PTPRN2: variants seen among roughly 807,000 people sequenced by gnomAD.
PTPRN2 encodes receptor-type tyrosine-protein phosphatase N2.
PTPRN2 carries 74 observed loss-of-function variants against 118.8 expected under a neutral mutation model. The observed-to-expected ratio is 0.62, with a 90% confidence interval of 0.52 to 0.76. The LOEUF is 0.76. Ranked by LOEUF, PTPRN2 falls within the 30% of genes least tolerant of loss-of-function variation. The pLI is 0.00. For missense variants in PTPRN2, 1,481 were observed against 1,394.4 expected (o/e 1.06, Z -0.99); for synonymous variants, 641 against 608.0 (o/e 1.05, Z -0.80).
chr7:158,316,656 T>C (rs938326034), intron 3 of PTPRN2, among the ~76,000 whole-genome samples, 163 bp downstream of exon 3: 7 of 152,114 alleles, frequency 4.6e-5, no homozygotes, highest in Non-Finnish European at 8.8e-5. Context: ...ACGATCCCAG[T>C]AGGAAGCACC....
At chr7:157,576,247 C>A (rs1800033025) in intron 19 of PTPRN2, among the ~76,000 whole-genome samples, 1 of 152,228 alleles carries the variant, frequency 6.6e-6, no homozygotes, top group Non-Finnish European at 1.5e-5. Context: ...CTACCTCTTT[C>A]ATCCCATGCA....
At chr7:158,359,413 G>A (rs1586447706) in intron 2 of PTPRN2, among the ~76,000 whole-genome samples, 2 of 152,226 alleles carry the variant, frequency 1.3e-5, no homozygotes, top group African/African-American at 4.8e-5. Flanking sequence ...AGGAAAGGTG[G>A]TCCTCAGTGC....
At chr7:158,001,587 CG>C (rs796858410) in intron 11 of PTPRN2, among the ~76,000 whole-genome samples, 59 of 152,154 alleles carry the variant, frequency 3.9e-4, no homozygotes, top group African/African-American at 1.4e-3. Context: ...TTCAGCCTCA[CG>C]GGCGCTCCCA....
At chr7:158,389,044 C>T (rs1364459691) in intron 2 of PTPRN2, among the ~76,000 whole-genome samples, 6 of 152,218 alleles carry the variant, frequency 3.9e-5, no homozygotes, top group South Asian at 2.1e-4. Context: ...CAACGTGAGG[C>T]GGGCCCCTGG....
intron 11 of PTPRN2, among the ~76,000 whole-genome samples, chr7:157,912,675 G>A (rs532573121): frequency 6.6e-6 from 1 of 152,034 alleles, no homozygotes; most frequent in Non-Finnish European, 1.5e-5. Flanking sequence ...ACTGATTTTT[G>A]TATGTGATTC....
chr7:157,588,157 G>A (rs1445748525), intron 17 of PTPRN2, among the ~76,000 whole-genome samples: 1 of 152,254 alleles, frequency 6.6e-6, no homozygotes, highest in Non-Finnish European at 1.5e-5. Flanking sequence ...TTTAGAAACA[G>A]CTGTTGTGTA....
intron 12 of PTPRN2, among the ~76,000 whole-genome samples, chr7:157,715,553 G>A (rs768024991): frequency 7.2e-5 from 11 of 152,186 alleles, no homozygotes; most frequent in Non-Finnish European, 1.6e-4. Flanking sequence ...TGACCCTTCT[G>A]CTAAAGCTGC....
intron 11 of PTPRN2, among the ~76,000 whole-genome samples, chr7:158,056,671 C>T (rs902147496): frequency 2.0e-5 from 3 of 152,186 alleles, no homozygotes; most frequent in African/African-American, 7.2e-5. Flanking sequence ...GCTTCTCCAG[C>T]GTCCAGTGAG....
At chr7:158,216,691 A>C (rs1827983022) in intron 3 of PTPRN2, among the ~76,000 whole-genome samples, 1 of 152,212 alleles carries the variant, frequency 6.6e-6, no homozygotes, top group Non-Finnish European at 1.5e-5. Flanking sequence ...ATATAGATAG[A>C]GCAACTAAAC....
intron 17 of PTPRN2, among the ~76,000 whole-genome samples, chr7:157,584,017 C>A (rs1314196658): frequency 6.6e-6 from 1 of 151,796 alleles, no homozygotes; most frequent in Non-Finnish European, 1.5e-5. Context: ...AACACTGGAG[C>A]TGGATGTGGT....
chr7:158,532,541 G>A (rs1478636740), intron 1 of PTPRN2, among the ~76,000 whole-genome samples: 3 of 152,090 alleles, frequency 2.0e-5, no homozygotes, highest in Admixed American at 6.6e-5. Context: ...TGGACCGTGC[G>A]TTATAATAAA....
chr7:157,805,079 C>T (rs1043711734), intron 12 of PTPRN2, among the ~76,000 whole-genome samples: 27 of 152,166 alleles, frequency 1.8e-4, no homozygotes, highest in African/African-American at 6.3e-4. Context: ...CCACAAAGGC[C>T]ACAGGATACA....
chr7:157,757,670 C>T (rs936572187), intron 12 of PTPRN2, among the ~76,000 whole-genome samples: 5 of 143,964 alleles, frequency 3.5e-5, no homozygotes, highest in African/African-American at 1.4e-4. Flanking sequence ...TCACAAGATA[C>T]AAGTTTTTTT....
chr7:158,086,117 C>T (rs879732009), intron 10 of PTPRN2, among the ~76,000 whole-genome samples: 4 of 152,214 alleles, frequency 2.6e-5, no homozygotes, highest in Non-Finnish European at 5.9e-5. Context: ...CCAGGCGCTC[C>T]TTACACAGTG....
Position 158,093,001 on chromosome 7 carries a change from C to A in PTPRN2, c.1644-11624G>T, listed in dbSNP as rs558653286. ...GTTGAAACCCTTGTAGTTTTAGGTG[C>A]TAGCTCCAAATAGTCCAATTCTAAT... On this transcript the variant is annotated intron_variant, in intron 10 of 22. Coordinates refer to ENST00000389418, the MANE Select transcript of PTPRN2 (RefSeq NM_002847.5). This position sits in a 1 kb window ranked among gnomAD's most constrained non-coding sequence, Gnocchi z 4.4. 6.6e-6 allele frequency among the ~76,000 whole-genome samples: 1 copy of A among 152,236 alleles called. No homozygotes were observed. The highest frequency in any genetic ancestry group is 1.9e-4 in the East Asian group (1 of 5,202).
At chr7:157,673,435 A>G (rs1161749841) in intron 13 of PTPRN2, among the ~76,000 whole-genome samples, 1 of 152,240 alleles carries the variant, frequency 6.6e-6, no homozygotes, top group Admixed American at 6.5e-5. Flanking sequence ...AGGGAGCACT[A>G]TTCTGCAGCC....
intron 17 of PTPRN2, among the ~76,000 whole-genome samples, chr7:157,584,079 T>G (rs1483391901): frequency 6.6e-6 from 1 of 152,026 alleles, no homozygotes; most frequent in Admixed American, 6.6e-5. Flanking sequence ...GGTGGGAGGA[T>G]CATTTGAGCC....
At chr7:158,257,391 T>G (rs958341742) in intron 3 of PTPRN2, among the ~76,000 whole-genome samples, 1 of 152,176 alleles carries the variant, frequency 6.6e-6, no homozygotes, top group African/African-American at 2.4e-5. Context: ...CTCCTCAGCG[T>G]TACAATGAGA....
chr7:157,693,330 T>C (rs1322903827), intron 12 of PTPRN2, among the ~76,000 whole-genome samples: 2 of 151,834 alleles, frequency 1.3e-5, no homozygotes, highest in Non-Finnish European at 2.9e-5. Context: ...CGCAGAACCC[T>C]AGGGTGGCGA....
Sources: allele counts gnomAD v4.1 joint callset (sites outside exome capture counted in the v4.1 genomes callset), GRCh38; gene constraint gnomAD v4.1.1; non-coding constraint Gnocchi (gnomAD v3.1); transcripts MANE v1.5; gene names NCBI Gene and HGNC (gene_info 2026-07-23, HGNC 2026-07-21).